Variants in KCNB2 observed in about 807,000 individuals in gnomAD.
The protein encoded by KCNB2 is delayed rectifier potassium channel protein.
Under a neutral mutation model 61.5 loss-of-function variants are expected in KCNB2, and 15 were observed. That is an observed-to-expected ratio of 0.24 (90% CI 0.16 to 0.38). The LOEUF is 0.38. Among genes scored for constraint, KCNB2 ranks in the 10% least tolerant of loss-of-function variants. The pLI is 1.00. For synonymous variants in KCNB2, 457 were observed against 446.0 expected, an observed-to-expected ratio of 1.02 and a Z score of -0.31; for missense variants, 828 against 1,125.2, an observed-to-expected ratio of 0.74 and a Z score of 3.78.
At chr8:72,743,399 A>G (rs558300699) in intron 2 of KCNB2, among the ~76,000 whole-genome samples, 14 of 152,310 alleles carry the variant, frequency 9.2e-5, no homozygotes, top group African/African-American at 2.6e-4. Flanking sequence ...CTTCCCTAGT[A>G]TACGTTGAGT....
intron 2 of KCNB2, among the ~76,000 whole-genome samples, chr8:72,832,273 T>A (rs1809710734): frequency 6.6e-6 from 1 of 152,120 alleles, no homozygotes; most frequent in African/African-American, 2.4e-5. Context: ...AGAAAATGAG[T>A]TATGAAAGCA....
chr8:72,657,309 TAGAAA>T (rs1279370467), intron 2 of KCNB2, among the ~76,000 whole-genome samples: 2 of 152,126 alleles, frequency 1.3e-5, no homozygotes, highest in Non-Finnish European at 2.9e-5. Flanking sequence ...AGCAAATTCT[TAGAAA>T]AGAAGCCACT....
At chr8:72,852,701 G>A (rs1011755546) in intron 2 of KCNB2, among the ~76,000 whole-genome samples, 3 of 152,088 alleles carry the variant, frequency 2.0e-5, no homozygotes, top group Non-Finnish European at 4.4e-5. Context: ...ATTTCTCTAT[G>A]TAAAGGTATT....
intron 2 of KCNB2, among the ~76,000 whole-genome samples, chr8:72,847,969 C>T (rs1022304714): frequency 6.6e-6 from 1 of 152,104 alleles, no homozygotes; most frequent in African/African-American, 2.4e-5. Context: ...ATTCTCTCCC[C>T]CTAAACACTC....
intron 1 of KCNB2, among the ~76,000 whole-genome samples, chr8:72,564,174 C>T (rs1806587248): frequency 6.6e-6 from 1 of 152,176 alleles, no homozygotes; most frequent in South Asian, 2.1e-4. Context: ...ATTCACTATA[C>T]ACAATGCACA....
intron 2 of KCNB2, chr8:72,619,531 ATT>A (rs374172215): frequency 3.8e-4 from 55 of 144,250 alleles, no homozygotes; most frequent in Middle Eastern, 3.2e-3. Flanking sequence ...GATTACCTCC[ATT>A]TTTTTTTTTT....
At chr8:72,579,628 C>T (rs777472056) in intron 2 of KCNB2, among the ~76,000 whole-genome samples, 2 of 152,138 alleles carry the variant, frequency 1.3e-5, no homozygotes, top group South Asian at 2.1e-4. Flanking sequence ...TCCGCTTTCT[C>T]GTAATAGCGT....
At chr8:72,731,322 C>T (rs1225548810) in intron 2 of KCNB2, among the ~76,000 whole-genome samples, 1 of 152,160 alleles carries the variant, frequency 6.6e-6, no homozygotes, top group Non-Finnish European at 1.5e-5. Context: ...CAATTAAATA[C>T]ACTGAAGACA....
intron 2 of KCNB2, among the ~76,000 whole-genome samples, chr8:72,801,657 C>A (rs150916211): frequency 4.6e-5 from 7 of 152,080 alleles, no homozygotes; most frequent in African/African-American, 1.7e-4. Context: ...CGCTATAATA[C>A]GATACAGTGA....
At chr8:72,628,074 C>G (rs983246808) in intron 2 of KCNB2, among the ~76,000 whole-genome samples, 1 of 152,142 alleles carries the variant, frequency 6.6e-6, no homozygotes. Flanking sequence ...CTGCCTCAGC[C>G]TCCTGAGTAG....
chr8:72,760,854 C>T (rs532413028), intron 2 of KCNB2, among the ~76,000 whole-genome samples: 1 of 152,192 alleles, frequency 6.6e-6, no homozygotes. Flanking sequence ...CAGTAATTTC[C>T]CAAATTATTT....
At chr8:72,846,453 C>G (rs112440251) in intron 2 of KCNB2, among the ~76,000 whole-genome samples, 1 of 151,982 alleles carries the variant, frequency 6.6e-6, no homozygotes, top group Non-Finnish European at 1.5e-5. Flanking sequence ...GCAAAAGAAA[C>G]TACCATCAGA....
chr8:72,635,823 C>T (rs563718596), intron 2 of KCNB2, among the ~76,000 whole-genome samples: 30 of 152,326 alleles, frequency 2.0e-4, no homozygotes, highest in Non-Finnish European at 3.7e-4. Context: ...GTCTTATCAT[C>T]TGTGTCTGCT....
At chr8:72,616,965 T>C (rs1805629146) in intron 2 of KCNB2, among the ~76,000 whole-genome samples, 1 of 152,192 alleles carries the variant, frequency 6.6e-6, no homozygotes, top group African/African-American at 2.4e-5. Flanking sequence ...CTAAATGGCT[T>C]CCACAATTCC....
intron 2 of KCNB2, among the ~76,000 whole-genome samples, chr8:72,911,771 A>G (rs1563421681): frequency 6.6e-6 from 1 of 152,212 alleles, no homozygotes; most frequent in Non-Finnish European, 1.5e-5. Flanking sequence ...TTCAAATCCC[A>G]GCTAGGCCAC....
intron 2 of KCNB2, among the ~76,000 whole-genome samples, chr8:72,758,022 G>A (rs1472497032): frequency 2.0e-5 from 3 of 152,212 alleles, no homozygotes; most frequent in Non-Finnish European, 4.4e-5. Flanking sequence ...CTGAGGCTTT[G>A]TTATTCATTA....
At chr8:72,733,877 G>C (rs1807793903) in intron 2 of KCNB2, among the ~76,000 whole-genome samples, 2 of 152,162 alleles carry the variant, frequency 1.3e-5, no homozygotes, top group South Asian at 4.1e-4. Flanking sequence ...GGGGAAGCCT[G>C]ACATTGAAGT....
intron 2 of KCNB2, among the ~76,000 whole-genome samples, chr8:72,777,162 T>C (rs1356810747): frequency 6.6e-6 from 1 of 152,222 alleles, no homozygotes; most frequent in Non-Finnish European, 1.5e-5. Flanking sequence ...TGTACTGATA[T>C]ACCAATGAAT....
intron 2 of KCNB2, among the ~76,000 whole-genome samples, chr8:72,600,758 G>A (rs1042199116): frequency 8.6e-5 from 13 of 151,968 alleles, no homozygotes; most frequent in African/African-American, 3.1e-4. Flanking sequence ...AATATCACAC[G>A]TTCTCACTTG....
Sources: gnomAD v4.1 joint callset for allele counts (sites outside exome capture counted in the v4.1 genomes callset) on GRCh38, gnomAD v4.1.1 for gene constraint, MANE v1.5 for transcripts, NCBI Gene and HGNC (gene_info 2026-07-23, HGNC 2026-07-21) for gene names.